The following TRANK1 variants were observed in gnomAD, a reference collection of about 807,000 sequenced individuals.
TRANK1 encodes the protein TPR and ankyrin repeat-containing protein 1.
TRANK1 carries 198 observed loss-of-function variants against 266.0 expected under a neutral mutation model. The observed-to-expected ratio is 0.74, with a 90% confidence interval of 0.66 to 0.84. The LOEUF is 0.84. Among genes scored for constraint, TRANK1 ranks in the 40% least tolerant of loss-of-function variants. The probability of loss-of-function intolerance (pLI) is 0.00; values close to 1 mark genes in which losing one functional copy is unlikely to be tolerated. For missense variants in TRANK1, 3,326 were observed against 3,634.6 expected (o/e 0.92, Z 2.18); for synonymous variants, 1,396 against 1,384.1 (o/e 1.01, Z -0.19).
At chr3:36,918,115 C>T (rs1224993800) in intron 1 of TRANK1, among the ~76,000 whole-genome samples, 6 of 152,034 alleles carry the variant, frequency 3.9e-5, no homozygotes, top group Non-Finnish European at 7.4e-5. Flanking sequence ...CATGGATGAA[C>T]CTTCAGGGCA....
chr3:36,924,510 G>A (rs1444164763), intron 1 of TRANK1, among the ~76,000 whole-genome samples: 2 of 152,158 alleles, frequency 1.3e-5, no homozygotes, highest in African/African-American at 4.8e-5. Flanking sequence ...TCTCAAAAAA[G>A]AGAAATGTGT....
At chr3:36,913,426 C>A (rs2080081249) in intron 1 of TRANK1, among the ~76,000 whole-genome samples, 1 of 151,866 alleles carries the variant, frequency 6.6e-6, no homozygotes, top group African/African-American at 2.4e-5. Flanking sequence ...CACTTACTTT[C>A]TTGCTTGCTT....
chr3:36,935,117 T>C (rs1251128336), intron 1 of TRANK1, among the ~76,000 whole-genome samples: 1 of 152,144 alleles, frequency 6.6e-6, no homozygotes, highest in African/African-American at 2.4e-5. Flanking sequence ...GCACAATTTC[T>C]ATGAACATCA....
rs1287978293 is a variant in TRANK1 at position 36,879,643 on chromosome 3, CAAATATATATAAATATAT to C, written c.908-5365_908-5348del. Among the ~76,000 whole-genome samples the C allele has an allele frequency of 1.1e-3, 56 of 49,472 alleles. 10 individuals carry two copies. Among genetic ancestry groups the C allele is most frequent in the South Asian group, 7.4e-3 (13 of 1,750 alleles). The allele number at this position is 49,472 out of a possible 152,430, so 32.5% of individuals were successfully genotyped here. ...ATATATATAAATATATATAAATATA[CAAATATATATAAATATAT>C]AAATATATATAAATATATAAATATA... is the stretch of plus-strand genomic sequence containing the variant. On this transcript the variant is annotated intron_variant, in intron 8 of 23. Coordinates refer to ENST00000645898, the MANE Select transcript of TRANK1 (RefSeq NM_001329998.2).
At chr3:36,848,597 G>T (rs1031743562) in intron 15 of TRANK1, among the ~76,000 whole-genome samples, 1 of 152,150 alleles carries the variant, frequency 6.6e-6, no homozygotes, top group Non-Finnish European at 1.5e-5. Flanking sequence ...TCCATCACTT[G>T]AACTATGTAA....
chr3:36,879,626 A>G lies in TRANK1; in HGVS notation c.908-5330T>C, dbSNP rs1293885673. On this transcript the variant is annotated intron_variant, in intron 8 of 23. Coordinates refer to ENST00000645898, the MANE Select transcript of TRANK1 (RefSeq NM_001329998.2). ...TATATATAAATATACAAATATATATAAATATATATAAATATACAAATATAT... is the reference window on the plus strand; with the variant it reads ...TATATATAAATATACAAATATATATGAATATATATAAATATACAAATATAT... 2.2e-4 allele frequency among the ~76,000 whole-genome samples: 26 copies of G among 115,772 alleles called. 3 individuals carry two copies. In the South Asian group the frequency reaches 5.9e-3, roughly 26 times the overall value. 76.0% of individuals were successfully genotyped at this position (115,772 alleles called of 152,430 possible). A position where few individuals can be genotyped will look rare whatever the true frequency, so the allele number is the denominator to read the frequency against.
chr3:36,889,737 G>A (rs540620990), intron 8 of TRANK1, 92 bp downstream of exon 8: 1 of 1,428,306 alleles, frequency 7.0e-7, no homozygotes, highest in African/African-American at 1.4e-5. Context: ...GCTAGGGATA[G>A]AATGGGTAAA....
At chr3:36,839,169 G>A (rs1465752555) in intron 18 of TRANK1, among the ~76,000 whole-genome samples, 2 of 152,224 alleles carry the variant, frequency 1.3e-5, no homozygotes, top group Admixed American at 6.5e-5. Context: ...TGGAGTACAC[G>A]TACTGGAGGT....
chr3:36,914,556 A>AC (rs1486857159), intron 1 of TRANK1, among the ~76,000 whole-genome samples: 9 of 151,510 alleles, frequency 5.9e-5, no homozygotes, highest in African/African-American at 2.2e-4. Flanking sequence ...TGATCATGCA[A>AC]CCACAACCAC....
intron 15 of TRANK1, chr3:36,851,039 G>T: frequency 4.1e-6 from 4 of 985,580 alleles, no homozygotes; most frequent in Non-Finnish European, 4.8e-6. Context: ...CCAGGACAAC[G>T]GCTGTGAGTT....
At chr3:36,874,884 G>C (rs1006546807) in intron 8 of TRANK1, among the ~76,000 whole-genome samples, 11 of 152,098 alleles carry the variant, frequency 7.2e-5, no homozygotes, top group Middle Eastern at 3.4e-3. Context: ...ATATCCCTGG[G>C]GGTACACAAA....
chr3:36,837,014 C>T (rs527463362), intron 20 of TRANK1, among the ~76,000 whole-genome samples: 1 of 152,276 alleles, frequency 6.6e-6, no homozygotes, highest in African/African-American at 2.4e-5. Flanking sequence ...CTGATCTGGC[C>T]CTGCCACTTT....
At chr3:36,887,255 T>G (rs1312188715) in intron 8 of TRANK1, among the ~76,000 whole-genome samples, 1 of 152,216 alleles carries the variant, frequency 6.6e-6, no homozygotes. Context: ...TAAGACCCAG[T>G]TCATATCAGT....
intron 1 of TRANK1, among the ~76,000 whole-genome samples, chr3:36,921,528 G>T (rs554515993): frequency 6.6e-6 from 1 of 152,238 alleles, no homozygotes; most frequent in East Asian, 1.9e-4. Context: ...CTGGCTTTGT[G>T]CCCTCATGCT....
Position 36,897,117 on chromosome 3 carries a change from C to T in TRANK1, c.434-1359G>A, listed in dbSNP as rs574671848. Among the ~76,000 whole-genome samples, 19 of 152,214 alleles carry T rather than the reference C, an allele frequency of 1.2e-4. No homozygotes were observed. The South Asian group carries it at 3.3e-3, about 27-fold the overall frequency. ...AGGAGTTCGAGACCAGCCTGGCTAA[C>T]ATAGTGAAACTCCATCTCTACTAAA... On this transcript the variant is annotated intron_variant, in intron 4 of 23. Coordinates refer to ENST00000645898, the MANE Select transcript of TRANK1 (RefSeq NM_001329998.2).
chr3:36,883,956 A>G (rs2079566718), intron 8 of TRANK1, among the ~76,000 whole-genome samples: 1 of 152,242 alleles, frequency 6.6e-6, no homozygotes, highest in Non-Finnish European at 1.5e-5. Context: ...GGCTAAAGAC[A>G]AAAAACACTG....
chr3:36,941,864 G>C (rs1021082424), intron 1 of TRANK1, among the ~76,000 whole-genome samples: 2 of 152,142 alleles, frequency 1.3e-5, no homozygotes, highest in Admixed American at 1.3e-4. Context: ...TGTTTTAAAA[G>C]CAATGAGCCT....
chr3:36,900,604 A>G (rs182377425), intron 3 of TRANK1, among the ~76,000 whole-genome samples: 1 of 152,188 alleles, frequency 6.6e-6, no homozygotes, highest in Admixed American at 6.5e-5. Flanking sequence ...AGCCGGGTGT[A>G]GTGACTCTAG....
At chr3:36,835,363 T>TGTTAG (rs1398235084) in intron 20 of TRANK1, among the ~76,000 whole-genome samples, 6 of 141,318 alleles carry the variant, frequency 4.2e-5, no homozygotes, top group Non-Finnish European at 9.3e-5. Flanking sequence ...ACATAGATAA[T>TGTTAG]GTTAGGAAAA....
Sources: allele counts gnomAD v4.1 joint callset (sites outside exome capture counted in the v4.1 genomes callset), GRCh38; gene constraint gnomAD v4.1.1; transcripts MANE v1.5; gene names NCBI Gene and HGNC (gene_info 2026-07-23, HGNC 2026-07-21).